Variants in VAC14 observed in about 807,000 individuals in gnomAD.
VAC14 encodes VAC14 component of PIKFYVE complex.
In VAC14, 47 loss-of-function variants were observed where a neutral mutation model predicts 85.3. The ratio of observed to expected loss-of-function variants is 0.55; its 90% CI spans 0.44 to 0.70. The LOEUF (loss-of-function observed/expected upper bound fraction) is 0.70, where lower values mean the gene tolerates loss of function less well. Among genes scored for constraint, VAC14 ranks in the 30% least tolerant of loss-of-function variants. The probability of loss-of-function intolerance (pLI) is 0.00; values close to 1 mark genes in which losing one functional copy is unlikely to be tolerated. For missense variants in VAC14, 861 were observed against 1,004.3 expected (o/e 0.86, Z 1.93); for synonymous variants, 447 against 430.5 (o/e 1.04, Z -0.47).
chr16:70,790,726 G>C (rs906168835), intron 1 of VAC14, among the ~76,000 whole-genome samples: 8 of 152,064 alleles, frequency 5.3e-5, no homozygotes, highest in African/African-American at 1.9e-4. Context: ...CAGCCGGAAG[G>C]CCTCCCCCAC....
intron 12 of VAC14, among the ~76,000 whole-genome samples, chr16:70,753,011 G>GTGTGTGTGTGTGTGTGTGTGTGTGT (rs1555521573): frequency 1.5e-4 from 21 of 143,060 alleles, no homozygotes; most frequent in African/African-American, 4.7e-4. Flanking sequence ...AGGAGGAGGG[G>GTGTGTGTGTGTGTGTGTGTGTGTGT]GTGTGTGTGT....
chr16:70,691,472 G>A, intron 18 of VAC14: 1 of 985,454 alleles, frequency 1.0e-6, no homozygotes, highest in Non-Finnish European at 1.2e-6. Context: ...GCCTCTCTCG[G>A]AGTCTCTCGG....
chr16:70,779,114 G>A (rs995289783), intron 9 of VAC14: 1 of 152,258 alleles, frequency 6.6e-6, no homozygotes, highest in Non-Finnish European at 1.5e-5. Context: ...CAATGCTCCA[G>A]CTGAGTGCTG....
chr16:70,707,451 C>T (rs1470736270), intron 14 of VAC14, among the ~76,000 whole-genome samples: 1 of 152,116 alleles, frequency 6.6e-6, no homozygotes, highest in Non-Finnish European at 1.5e-5. Flanking sequence ...GCCTTCAGTC[C>T]TCTTAGCCAT....
chr16:70,693,235 C>T (rs1312257016), intron 17 of VAC14, among the ~76,000 whole-genome samples: 1 of 152,208 alleles, frequency 6.6e-6, no homozygotes, highest in African/African-American at 2.4e-5. Flanking sequence ...TCCACCTGCC[C>T]ACCTGCCTGT....
At chr16:70,794,061 G>A (rs1361815958) in intron 1 of VAC14, among the ~76,000 whole-genome samples, 3 of 152,168 alleles carry the variant, frequency 2.0e-5, no homozygotes, top group African/African-American at 7.2e-5. Context: ...TTTTGATCTC[G>A]GGTGACAGTA....
intron 13 of VAC14, among the ~76,000 whole-genome samples, chr16:70,731,846 C>T (rs1263149524): frequency 6.6e-6 from 1 of 152,022 alleles, no homozygotes; most frequent in African/African-American, 2.4e-5. Flanking sequence ...AAAATGCCCA[C>T]TAGTTAAAGT....
intron 14 of VAC14, among the ~76,000 whole-genome samples, chr16:70,700,822 G>C (rs1219155965): frequency 6.6e-6 from 1 of 152,232 alleles, no homozygotes; most frequent in African/African-American, 2.4e-5. Context: ...ACAAGTGCCC[G>C]TCGCCGGCAG....
chr16:70,744,278 C>T lies in VAC14; in HGVS notation c.1528+145G>A, dbSNP rs537375732. ...TCTGGGCGGTCTTGAGGTGGGAGAT[C>T]GCCAGTAGCAACCCACAGACCCCTC... On this transcript the variant is annotated intron_variant, in intron 13 of 18. Coordinates refer to ENST00000261776, the MANE Select transcript of VAC14 (RefSeq NM_018052.5). 2.3e-4 allele frequency: 276 copies of T among 1,205,002 alleles called. No homozygotes were observed. In the African/African-American group the frequency reaches 3.6e-3, roughly 16 times the overall value. 74.6% of individuals were successfully genotyped at this position (1,205,002 alleles called of 1,614,324 possible).
intron 14 of VAC14, among the ~76,000 whole-genome samples, chr16:70,718,315 G>A (rs539381660): frequency 1.1e-3 from 162 of 152,126 alleles, no homozygotes; most frequent in Non-Finnish European, 1.9e-3. Context: ...GCTCACGCCT[G>A]TAATCCCAGC....
intron 18 of VAC14, chr16:70,691,319 A>T: frequency 1.0e-6 from 1 of 985,434 alleles, no homozygotes; most frequent in Non-Finnish European, 1.2e-6. Flanking sequence ...ACTGGAGGTC[A>T]CAGGGAAGCA....
chr16:70,765,251 C>A (rs1276010590), intron 10 of VAC14, among the ~76,000 whole-genome samples: 6 of 152,280 alleles, frequency 3.9e-5, no homozygotes, highest in East Asian at 1.9e-4. Flanking sequence ...GAAACAGTAC[C>A]CCCTGGGAGG....
At chr16:70,756,066 A>G (rs570272400) in intron 12 of VAC14, 19 of 456,814 alleles carry the variant, frequency 4.2e-5, no homozygotes, top group African/African-American at 3.8e-4. Context: ...CACGGTGACA[A>G]GGACTGCTTG....
At chr16:70,699,126 C>T (rs572389443) in intron 14 of VAC14, 24 of 304,792 alleles carry the variant, frequency 7.9e-5, no homozygotes, top group African/African-American at 3.4e-4. Flanking sequence ...CCTGAGATCC[C>T]GTCACCTTCC....
chr16:70,763,105 CCT>C lies in VAC14; in HGVS notation c.1161-82_1161-81del, dbSNP rs2032538729. On this transcript the variant is annotated intron_variant, in intron 10 of 18. Transcript: ENST00000261776. ...CATGGAGTCATGGCACCACCCTGGG[CCT>C]GCACATCCTGAGTCACACACTGCTA... 28 of 1,583,208 alleles carry C rather than the reference CCT, an allele frequency of 1.8e-5. No individual in the cohort carries two copies. In the East Asian group the frequency reaches 6.3e-4, roughly 36 times the overall value.
At chr16:70,776,717 A>G (rs1336591754) in intron 9 of VAC14, among the ~76,000 whole-genome samples, 1 of 151,426 alleles carries the variant, frequency 6.6e-6, no homozygotes, top group Non-Finnish European at 1.5e-5. Flanking sequence ...GATACGCACC[A>G]CCACACCACC....
chr16:70,776,981 G>A (rs2143207565), intron 9 of VAC14, among the ~76,000 whole-genome samples: 1 of 152,006 alleles, frequency 6.6e-6, no homozygotes, highest in Non-Finnish European at 1.5e-5. Context: ...CTAATTTTTT[G>A]TATTTTTAGT....
rs374403720 is a variant in VAC14, at chr16:70,731,603, G to A, written c.1553C>T (p.Pro518Leu). 2 of 1,614,102 alleles carry A rather than the reference G, an allele frequency of 1.2e-6. No homozygotes were observed. The highest frequency in any genetic ancestry group is 3.3e-5 in the Admixed American group (2 of 60,026). The change falls in exon 14 of 19, where the codon CCT (proline) becomes CTT (leucine). Residue 518 changes from proline (P) to leucine (L), a missense_variant. Pro to Leu is a moderately conservative substitution (Grantham distance 98). Transcript: ENST00000261776. ...TSGTKGLECS[P>L]STPTMNSYFY... Reference sequence around the variant, plus strand: ...GTAAGAATTCATGGTGGGAGTTGAAGGAGAACATTCTAAGCCTTTGGTACC... The same window carrying A: ...GTAAGAATTCATGGTGGGAGTTGAAAGAGAACATTCTAAGCCTTTGGTACC...
At chr16:70,771,748 T>G in intron 10 of VAC14, 1 of 193,272 alleles carries the variant, frequency 5.2e-6, no homozygotes. Context: ...CCCAGATAAT[T>G]TTTTGTATTT....
Sources: allele counts gnomAD v4.1 joint callset (sites outside exome capture counted in the v4.1 genomes callset), GRCh38; gene constraint gnomAD v4.1.1; transcripts MANE v1.5; gene names NCBI Gene and HGNC (gene_info 2026-07-23, HGNC 2026-07-21).